Variants in GRM5 observed in about 807,000 individuals in gnomAD.
The protein encoded by GRM5 is glutamate metabotropic receptor 5, also known as metabotropic glutamate receptor 5.
In GRM5, 19 loss-of-function variants were observed where a neutral mutation model predicts 83.1. That is an observed-to-expected ratio of 0.23 (90% CI 0.16 to 0.34). GRM5 has a LOEUF of 0.34. GRM5 is among the 10% of genes least tolerant of loss of function. The probability of loss-of-function intolerance (pLI) is 1.00; values close to 1 mark genes in which losing one functional copy is unlikely to be tolerated. For missense variants in GRM5, 1,160 were observed against 1,588.3 expected, an observed-to-expected ratio of 0.73 and a Z score of 4.58; for synonymous variants, 675 against 633.6, an observed-to-expected ratio of 1.07 and a Z score of -0.98.
intron 2 of GRM5, among the ~76,000 whole-genome samples, chr11:88,902,091 A>T (rs1945322440): frequency 6.6e-6 from 1 of 151,834 alleles, no homozygotes; most frequent in Non-Finnish European, 1.5e-5. Context: ...TGTTAACTTT[A>T]TATGCTGCTT....
rs529159602 is a variant in GRM5 at position 88,773,513 on chromosome 11, T to C, written c.911+76393A>G. 3.3e-4 allele frequency among the ~76,000 whole-genome samples: 51 copies of C among 152,336 alleles called. 1 individual carries two copies. The East Asian group carries it at 4.2e-3, about 13-fold the overall frequency. ...GCCATTGCTTTTGGTGTTTTAGTCA[T>C]GAAACCCTTGCCCATGCCTATGTCC... On this transcript the variant is annotated intron_variant, in intron 3 of 9. Transcript: ENST00000305447.
At chr11:88,844,773 A>T (rs1401089382) in intron 3 of GRM5, among the ~76,000 whole-genome samples, 1 of 152,172 alleles carries the variant, frequency 6.6e-6, no homozygotes, top group African/African-American at 2.4e-5. Flanking sequence ...GATGACTTTG[A>T]GATGTTCCAA....
chr11:88,874,008 C>T (rs1229014277), intron 2 of GRM5, among the ~76,000 whole-genome samples: 1 of 151,426 alleles, frequency 6.6e-6, no homozygotes, highest in Non-Finnish European at 1.5e-5. Context: ...TACAACCTAC[C>T]AAGATTGAAT....
intron 1 of GRM5, among the ~76,000 whole-genome samples, chr11:89,052,103 A>G (rs932965628): frequency 5.3e-5 from 8 of 152,220 alleles, no homozygotes; most frequent in African/African-American, 1.9e-4. Flanking sequence ...CGTGAGGGGC[A>G]GAAGAAAATT....
chr11:88,694,028 T>C (rs1940847142), intron 3 of GRM5, among the ~76,000 whole-genome samples: 1 of 152,206 alleles, frequency 6.6e-6, no homozygotes, highest in Non-Finnish European at 1.5e-5. Context: ...TTTTTTGATC[T>C]GAATAAGTCA....
intron 3 of GRM5, among the ~76,000 whole-genome samples, chr11:88,662,521 A>C (rs1000190196): frequency 6.6e-6 from 1 of 152,192 alleles, no homozygotes; most frequent in Admixed American, 6.6e-5. Flanking sequence ...TCAAACACTC[A>C]TCTAGATAAG....
At chr11:89,021,202 C>G (rs1399117250) in intron 2 of GRM5, among the ~76,000 whole-genome samples, 2 of 152,078 alleles carry the variant, frequency 1.3e-5, no homozygotes, top group Non-Finnish European at 2.9e-5. Context: ...AAAGAAAAAG[C>G]TTTATGAAGT....
At chr11:88,629,714 C>G (rs898814777) in intron 4 of GRM5, among the ~76,000 whole-genome samples, 4 of 152,168 alleles carry the variant, frequency 2.6e-5, no homozygotes, top group Non-Finnish European at 5.9e-5. Flanking sequence ...TGTCCACAGA[C>G]TTCCATGACT....
At chr11:88,942,927 G>A (rs966540462) in intron 2 of GRM5, among the ~76,000 whole-genome samples, 1 of 152,022 alleles carries the variant, frequency 6.6e-6, no homozygotes, top group South Asian at 2.1e-4. Flanking sequence ...CAGACCAAAA[G>A]TTTTGGAACA....
intron 3 of GRM5, among the ~76,000 whole-genome samples, chr11:88,743,082 C>A (rs1406912335): frequency 9.2e-5 from 14 of 152,130 alleles, no homozygotes; most frequent in Non-Finnish European, 1.9e-4. Flanking sequence ...CTCTCCTAGG[C>A]TCTCCTTCCA....
At chr11:88,751,903 C>T (rs897935520) in intron 3 of GRM5, among the ~76,000 whole-genome samples, 2 of 152,068 alleles carry the variant, frequency 1.3e-5, no homozygotes, top group East Asian at 1.9e-4. Flanking sequence ...ATCCAACATC[C>T]CTTCATATTA....
At chr11:88,978,546 T>C (rs1171617079) in intron 2 of GRM5, among the ~76,000 whole-genome samples, 1 of 141,790 alleles carries the variant, frequency 7.1e-6, no homozygotes, top group Non-Finnish European at 1.5e-5. Context: ...AGTTTATGAA[T>C]TTGTGTTGGG....
intron 2 of GRM5, among the ~76,000 whole-genome samples, chr11:88,957,233 C>G (rs568383173): frequency 1.3e-5 from 2 of 152,166 alleles, no homozygotes; most frequent in Middle Eastern, 3.2e-3. Flanking sequence ...AAAACACATC[C>G]TCAGAAGAAT....
At chr11:88,939,954 T>C (rs1565301503) in intron 2 of GRM5, among the ~76,000 whole-genome samples, 2 of 151,976 alleles carry the variant, frequency 1.3e-5, no homozygotes, top group South Asian at 2.1e-4. Context: ...GATCAAAGTA[T>C]ATAACATGAA....
rs141706389 is a variant in GRM5 at position 88,882,248 on chromosome 11, GTAAA to G, written c.662-32097_662-32094del. 3.6e-3 allele frequency among the ~76,000 whole-genome samples: 523 copies of G among 143,984 alleles called. 3 individuals carry two copies. Among genetic ancestry groups the G allele is most frequent in the African/African-American group, 0.013 (496 of 38,540 alleles). The allele number at this position is 143,984 out of a possible 152,430, so 94.5% of individuals were successfully genotyped here. A position where few individuals can be genotyped will look rare whatever the true frequency, so the allele number is the denominator to read the frequency against. The stretch of plus-strand genomic sequence containing the variant: ...TGACACTCTGAATCAAAATAAGTAA[GTAAA>G]TAAATAAATAAATAAATAATAAAAA... On this transcript the variant is annotated intron_variant, in intron 2 of 9. Coordinates refer to ENST00000305447, the MANE Select transcript of GRM5 (RefSeq NM_001143831.3).
At chr11:88,751,569 A>C (rs1346604738) in intron 3 of GRM5, among the ~76,000 whole-genome samples, 1 of 152,122 alleles carries the variant, frequency 6.6e-6, no homozygotes, top group African/African-American at 2.4e-5. Flanking sequence ...TATTCCAAAC[A>C]ATTGAAAGGG....
At chr11:88,697,477 C>T (rs1166024417) in intron 3 of GRM5, among the ~76,000 whole-genome samples, 1 of 152,164 alleles carries the variant, frequency 6.6e-6, no homozygotes, top group African/African-American at 2.4e-5. Context: ...CAAATGGATA[C>T]CTGTAGAAGC....
At chr11:88,983,187 A>T (rs754042489) in intron 2 of GRM5, among the ~76,000 whole-genome samples, 1 of 152,238 alleles carries the variant, frequency 6.6e-6, no homozygotes, top group Non-Finnish European at 1.5e-5. Flanking sequence ...AATAACAGAC[A>T]AATCTGGACT....
intron 3 of GRM5, among the ~76,000 whole-genome samples, chr11:88,775,098 A>C (rs1285482041): frequency 6.6e-6 from 1 of 152,140 alleles, no homozygotes; most frequent in Non-Finnish European, 1.5e-5. Context: ...TAGGCTATTC[A>C]TTATTGCCTC....
Sources: allele counts gnomAD v4.1 joint callset (sites outside exome capture counted in the v4.1 genomes callset), GRCh38; gene constraint gnomAD v4.1.1; transcripts MANE v1.5; gene names NCBI Gene and HGNC (gene_info 2026-07-23, HGNC 2026-07-21).